ZNF438: variants seen among roughly 807,000 people sequenced by gnomAD.
ZNF438 encodes the protein zinc finger protein 438.
In ZNF438, 25 loss-of-function variants were observed where a neutral mutation model predicts 38.0. The ratio of observed to expected loss-of-function variants is 0.66; its 90% CI spans 0.48 to 0.92. The LOEUF (loss-of-function observed/expected upper bound fraction) is 0.92. ZNF438 is among the 40% of genes least tolerant of loss of function. The pLI, the probability that ZNF438 is intolerant of heterozygous loss-of-function variation, is 0.00. For synonymous variants in ZNF438, 372 were observed against 364.1 expected (o/e 1.02, Z -0.25); for missense variants, 1,007 against 999.6 (o/e 1.01, Z -0.10).
intron 1 of ZNF438, among the ~76,000 whole-genome samples, chr10:30,974,883 C>G (rs1327215636): frequency 1.3e-5 from 2 of 151,930 alleles, no homozygotes; most frequent in Non-Finnish European, 2.9e-5. Flanking sequence ...AACAGAGAAC[C>G]AAAATTAGAA....
intron 1 of ZNF438, among the ~76,000 whole-genome samples, chr10:30,961,490 A>G (rs934387384): frequency 2.1e-5 from 3 of 146,050 alleles, no homozygotes; most frequent in Non-Finnish European, 4.7e-5. Flanking sequence ...AACTTCTACC[A>G]GCTTTAATGT....
chr10:30,845,911 G>A (rs1237676504), intron 5 of ZNF438, among the ~76,000 whole-genome samples: 4 of 152,190 alleles, frequency 2.6e-5, no homozygotes, highest in Admixed American at 2.0e-4. Context: ...TGAAGGGCAC[G>A]GGAACACCCT....
chr10:30,888,726 T>A (rs1052095530), intron 3 of ZNF438, among the ~76,000 whole-genome samples: 1 of 152,232 alleles, frequency 6.6e-6, no homozygotes, highest in African/African-American at 2.4e-5. Context: ...TATGGCTGCA[T>A]CGTATTCCAT....
At chr10:30,973,169 G>T (rs373868553) in intron 1 of ZNF438, among the ~76,000 whole-genome samples, 4 of 152,156 alleles carry the variant, frequency 2.6e-5, no homozygotes, top group Non-Finnish European at 5.9e-5. Flanking sequence ...GCACCTTGAG[G>T]CTGCCTCACT....
intron 2 of ZNF438, among the ~76,000 whole-genome samples, chr10:30,940,964 C>A (rs976779670): frequency 2.0e-5 from 3 of 152,148 alleles, no homozygotes; most frequent in African/African-American, 7.2e-5. Flanking sequence ...TTGTTTGGCA[C>A]TTAGGACTTA....
intron 1 of ZNF438, among the ~76,000 whole-genome samples, chr10:30,974,330 G>A (rs551890705): frequency 2.6e-5 from 4 of 152,298 alleles, no homozygotes; most frequent in South Asian, 2.1e-4. Flanking sequence ...AAAATTAGCC[G>A]AGGCTGGTGA....
At chr10:30,964,951 T>C (rs188992090) in intron 1 of ZNF438, among the ~76,000 whole-genome samples, 21 of 152,260 alleles carry the variant, frequency 1.4e-4, no homozygotes, top group Admixed American at 4.6e-4. Context: ...AAGTGAGGCC[T>C]AATTAAACTA....
intron 2 of ZNF438, chr10:30,920,121 T>A (rs879711253): frequency 4.6e-5 from 7 of 152,228 alleles, no homozygotes; most frequent in Non-Finnish European, 1.0e-4. Flanking sequence ...GCATGTACTC[T>A]CTCTCTCCTG....
chr10:30,900,201 A>G (rs758571967), intron 3 of ZNF438, among the ~76,000 whole-genome samples: 7 of 152,226 alleles, frequency 4.6e-5, no homozygotes, highest in Non-Finnish European at 7.4e-5. Context: ...TATCATTTTC[A>G]TTGATCACAA....
chr10:31,020,851 C>T (rs577798877), intron 1 of ZNF438, among the ~76,000 whole-genome samples: 8 of 151,762 alleles, frequency 5.3e-5, no homozygotes, highest in African/African-American at 1.7e-4. Flanking sequence ...TTAAGGTTAA[C>T]TATCATACAG....
intron 1 of ZNF438, among the ~76,000 whole-genome samples, chr10:30,942,304 C>A (rs931613248): frequency 6.6e-6 from 1 of 152,086 alleles, no homozygotes; most frequent in South Asian, 2.1e-4. Flanking sequence ...CATAAAGAGG[C>A]ACCAAGGGTG....
intron 2 of ZNF438, among the ~76,000 whole-genome samples, chr10:30,909,458 T>C (rs940483617): frequency 1.3e-5 from 2 of 152,156 alleles, no homozygotes; most frequent in African/African-American, 4.8e-5. Context: ...CTCCTGATTC[T>C]CGACTGAGAT....
intron 1 of ZNF438, among the ~76,000 whole-genome samples, chr10:30,985,001 T>C (rs1488522854): frequency 6.6e-6 from 1 of 152,246 alleles, no homozygotes; most frequent in Non-Finnish European, 1.5e-5. Context: ...CTTGTACTTT[T>C]AGGCTCTGCC....
chr10:30,954,652 A>G (rs954036001), intron 1 of ZNF438, among the ~76,000 whole-genome samples: 5 of 152,206 alleles, frequency 3.3e-5, no homozygotes, highest in Non-Finnish European at 5.9e-5. Context: ...TTGTTTCAAA[A>G]TACCTTGACT....
At chr10:31,021,125 C>G (rs1332381892) in intron 1 of ZNF438, among the ~76,000 whole-genome samples, 1 of 149,964 alleles carries the variant, frequency 6.7e-6, no homozygotes, top group Non-Finnish European at 1.5e-5. Flanking sequence ...GGCGCAATCT[C>G]AGCTTACAAC....
chr10:30,938,295 T>C (rs956615270), intron 2 of ZNF438, among the ~76,000 whole-genome samples: 21 of 151,750 alleles, frequency 1.4e-4, no homozygotes, highest in Admixed American at 1.1e-3. Flanking sequence ...TTTTTTTTTT[T>C]AGATGGAGTT....
chr10:30,868,783 C>T (rs2036898284), intron 4 of ZNF438, among the ~76,000 whole-genome samples: 1 of 152,216 alleles, frequency 6.6e-6, no homozygotes, highest in South Asian at 2.1e-4. Context: ...GTGTTCATGT[C>T]ACTGGGGCTG....
intron 4 of ZNF438, chr10:30,857,629 A>G: frequency 7.4e-7 from 1 of 1,355,484 alleles, no homozygotes; most frequent in Non-Finnish European, 1.0e-6. Flanking sequence ...CAGAAAATTA[A>G]TAGTCATTTG....
exon 6 of ZNF438, chr10:30,845,147 C>A: frequency 6.2e-7 from 1 of 1,614,156 alleles, no homozygotes; most frequent in African/African-American, 1.3e-5. Context: ...ACAAGAGAAA[C>A]GTGTGGAGGC....
Sources: gnomAD v4.1 joint callset for allele counts (sites outside exome capture counted in the v4.1 genomes callset) on GRCh38, gnomAD v4.1.1 for gene constraint, MANE v1.5 for transcripts, NCBI Gene and HGNC (gene_info 2026-07-23, HGNC 2026-07-21) for gene names.